The following ZNF75D variants were observed in gnomAD, a reference collection of about 807,000 sequenced individuals.
ZNF75D encodes the protein zinc finger protein 75D, also known as zinc finger protein 75.
In ZNF75D, 33 loss-of-function variants were observed where a neutral mutation model predicts 33.3. The ratio of observed to expected loss-of-function variants is 0.99; its 90% CI spans 0.75 to 1.32. The LOEUF (loss-of-function observed/expected upper bound fraction) is 1.32, where lower values mean the gene tolerates loss of function less well. Among genes scored for constraint, ZNF75D ranks in the 40% most tolerant of loss-of-function variants. ZNF75D has a pLI of 0.00. For missense variants in ZNF75D, 338 were observed against 367.5 expected (o/e 0.92, Z 0.66); for synonymous variants, 113 against 130.6 (o/e 0.87, Z 0.92).
intron 1 of ZNF75D, among the ~76,000 whole-genome samples, chrX:135,337,885 AG>A (rs1390842358): frequency 1.8e-5 from 2 of 110,969 alleles, no homozygotes; most frequent in Non-Finnish European, 3.8e-5. Context: ...CAAGAAGGAG[AG>A]GGAGCAAGGA....
At chrX:135,331,146 T>C (rs1223601073) in intron 1 of ZNF75D, among the ~76,000 whole-genome samples, 1 of 111,491 alleles carries the variant, frequency 9.0e-6, no homozygotes, top group African/African-American at 3.3e-5. Flanking sequence ...AACTACAGCA[T>C]TGTGGATTTT....
At chrX:135,307,239 G>A (rs1393812773) in intron 1 of ZNF75D, among the ~76,000 whole-genome samples, 5 of 111,616 alleles carry the variant, frequency 4.5e-5, no homozygotes, top group Non-Finnish European at 9.4e-5. Flanking sequence ...ATGGTTCTGT[G>A]GGGGCTAGGA....
chrX:135,328,638 TATTACTGGTAAAACAGAGGA>T (rs1187781851), intron 1 of ZNF75D, among the ~76,000 whole-genome samples: 2 of 111,875 alleles, frequency 1.8e-5, no homozygotes. Context: ...CTCATTACTG[TATTACTGGTAAAACAGAGGA>T]TGCCAAGGAA....
chrX:135,257,291 C>A (rs1417647588), intron 1 of ZNF75D, among the ~76,000 whole-genome samples: 1 of 111,798 alleles, frequency 8.9e-6, no homozygotes, highest in African/African-American at 3.3e-5. Flanking sequence ...GCCCACTGCC[C>A]TGCAGAGTGA....
intron 1 of ZNF75D, among the ~76,000 whole-genome samples, chrX:135,272,746 C>T (rs1332857190): frequency 6.3e-5 from 7 of 111,483 alleles, no homozygotes; most frequent in Non-Finnish European, 1.1e-4. Context: ...CCTAGAACTA[C>T]ATCAAATGGA....
chrX:135,304,246 A>C (rs1332690709), intron 1 of ZNF75D, among the ~76,000 whole-genome samples: 3 of 111,289 alleles, frequency 2.7e-5, no homozygotes, highest in Admixed American at 9.5e-5. Context: ...GGATAGGGGC[A>C]CCCACTATGG....
chrX:135,332,784 G>C (rs1267038707), intron 1 of ZNF75D, among the ~76,000 whole-genome samples: 1 of 111,723 alleles, frequency 9.0e-6, no homozygotes. Context: ...TCATCTCACA[G>C]GCAGTTACCT....
At chrX:135,319,232 T>C (rs952893701) in intron 1 of ZNF75D, among the ~76,000 whole-genome samples, 3 of 112,814 alleles carry the variant, frequency 2.7e-5, no homozygotes, top group Non-Finnish European at 5.6e-5. Flanking sequence ...TATTGAGTTC[T>C]CTTGAGCTAC....
chrX:135,250,395 T>G (rs1194112927), intron 3 of ZNF75D, among the ~76,000 whole-genome samples: 2 of 94,453 alleles, frequency 2.1e-5, no homozygotes, highest in Non-Finnish European at 4.3e-5. Context: ...AAAAAAAAAA[T>G]TTTTTTAAAC....
chrX:135,307,673 A>C (rs782164976), intron 1 of ZNF75D, among the ~76,000 whole-genome samples: 27 of 112,005 alleles, frequency 2.4e-4, no homozygotes, highest in Non-Finnish European at 5.6e-5. Context: ...TCCACAGAAT[A>C]AAAGTGTGGA....
intron 1 of ZNF75D, among the ~76,000 whole-genome samples, chrX:135,333,262 A>G (rs1556441031): frequency 9.0e-6 from 1 of 111,493 alleles, no homozygotes; most frequent in Admixed American, 9.5e-5. Flanking sequence ...ATTCTGTGTC[A>G]TGGAAATACT....
rs782425742 is a variant in ZNF75D at position 135,287,857 on chromosome X, AAAC to A, written c.824-14_824-12del. 4 of 1,143,662 alleles carry A rather than the reference AAAC, an allele frequency of 3.5e-6. No homozygotes were observed. Among genetic ancestry groups the A allele is most frequent in the Admixed American group, 2.4e-5 (1 of 41,940 alleles). 94.3% of individuals were successfully genotyped at this position (1,143,662 alleles called of 1,213,427 possible). ...TTTTTAGCTTTAACCCTGTTAGAAT[AAAC>A]AGAATAATCAGCCATCTGTGTCCCA... On this transcript the variant is annotated splice_polypyrimidine_tract_variant and intron_variant, in intron 6 of 6. Coordinates refer to ENST00000370766, the MANE Select transcript of ZNF75D (RefSeq NM_007131.5).
chrX:135,342,298 A>G lies in ZNF75D; in HGVS notation c.-921T>C, dbSNP rs782716700. 4 of 112,281 alleles carry G rather than the reference A, an allele frequency of 3.6e-5. No homozygotes were observed. Among genetic ancestry groups the G allele is most frequent in the Non-Finnish European group, 7.5e-5 (4 of 53,258 alleles). The allele number at this position is 112,281 out of a possible 1,213,427, so 9.3% of individuals were successfully genotyped here. On this transcript the variant is annotated 5_prime_UTR_variant, in exon 1 of 7. Coordinates refer to ENST00000370766, the MANE Select transcript of ZNF75D (RefSeq NM_007131.5). ...GCTCTTCTGAAAACACTTCTGTGCT[A>G]GGTCCATGGTGTATGATCTAGGAAC... is the stretch of plus-strand genomic sequence containing the variant.
intron 1 of ZNF75D, among the ~76,000 whole-genome samples, chrX:135,314,447 T>C (rs963208659): frequency 3.6e-5 from 4 of 112,018 alleles, no homozygotes; most frequent in South Asian, 3.7e-4. Context: ...TATTAGCTTA[T>C]AGTTTTCTTT....
chrX:135,335,163 C>A (rs2084695047), intron 1 of ZNF75D, among the ~76,000 whole-genome samples: 1 of 111,527 alleles, frequency 9.0e-6, no homozygotes, highest in Non-Finnish European at 1.9e-5. Context: ...AACAGGAGGG[C>A]AGAATGGCTG....
intron 1 of ZNF75D, among the ~76,000 whole-genome samples, chrX:135,269,638 A>G (rs1397353997): frequency 8.9e-6 from 1 of 111,872 alleles, no homozygotes; most frequent in Non-Finnish European, 1.9e-5. Context: ...ACACTTCTAC[A>G]TCTTTGGTGG....
chrX:135,313,029 T>C (rs2084379248), intron 1 of ZNF75D, among the ~76,000 whole-genome samples: 1 of 112,140 alleles, frequency 8.9e-6, no homozygotes, highest in Admixed American at 9.4e-5. Flanking sequence ...CTTTTTGCTT[T>C]AGTTGTCTGT....
At chrX:135,296,456 G>A (rs191491795) in intron 1 of ZNF75D, among the ~76,000 whole-genome samples, 1 of 111,984 alleles carries the variant, frequency 8.9e-6, no homozygotes, top group Non-Finnish European at 1.9e-5. Context: ...AGGGGCCACG[G>A]AAGAGTGGCT....
intron 1 of ZNF75D, among the ~76,000 whole-genome samples, chrX:135,270,117 G>A (rs1292512966): frequency 9.2e-6 from 1 of 109,095 alleles, no homozygotes; most frequent in Non-Finnish European, 1.9e-5. Flanking sequence ...AGGGAGCAGT[G>A]AGGGAGGTGG....
Sources: allele counts gnomAD v4.1 joint callset (sites outside exome capture counted in the v4.1 genomes callset), GRCh38; gene constraint gnomAD v4.1.1; transcripts MANE v1.5; gene names NCBI Gene and HGNC (gene_info 2026-07-23, HGNC 2026-07-21).